The following PCDHGB4 variants were observed in gnomAD, a reference collection of about 807,000 sequenced individuals.
PCDHGB4 encodes protocadherin gamma subfamily B, 4.
In PCDHGB4, 38 loss-of-function variants were observed where a neutral mutation model predicts 60.5. The ratio of observed to expected loss-of-function variants is 0.63; its 90% confidence interval spans 0.48 to 0.82. The LOEUF (loss-of-function observed/expected upper bound fraction) is 0.82. Among genes scored for constraint, PCDHGB4 ranks in the 40% least tolerant of loss-of-function variants. The probability of loss-of-function intolerance (pLI) is 0.00; values close to 1 mark genes in which losing one functional copy is unlikely to be tolerated. For synonymous variants in PCDHGB4, 456 were observed against 509.7 expected (o/e 0.89, Z 1.42); for missense variants, 1,109 against 1,209.6 (o/e 0.92, Z 1.23).
intron 1 of PCDHGB4, among the ~76,000 whole-genome samples, chr5:141,434,463 G>A (rs967685246): frequency 5.9e-5 from 9 of 152,192 alleles, no homozygotes; most frequent in Admixed American, 1.3e-4. Flanking sequence ...TGGGTTTACC[G>A]GAATGAGGGC....
rs151037104 is a variant in PCDHGB4, at chr5:141,393,242, C to G, written c.2397+2961C>G. 3 of 1,613,778 alleles carry G rather than the reference C, an allele frequency of 1.9e-6. 1 individual carries two copies. The East Asian group carries it at 6.7e-5, about 36-fold the overall frequency. ...TCGAAGATCTAGAAGTAAAAATTAA[C>G]GAAATCGCGGTTCCTGGAGCACGTT... On this transcript the variant is annotated intron_variant, in intron 1 of 3. Coordinates refer to ENST00000519479, the MANE Select transcript of PCDHGB4 (RefSeq NM_003736.4).
At chr5:141,484,857 G>C in intron 1 of PCDHGB4, 1 of 264,370 alleles carries the variant, frequency 3.8e-6, no homozygotes. Flanking sequence ...TTTTTGGGGG[G>C]TGGGGGAGCG....
intron 1 of PCDHGB4, chr5:141,415,791 CCTAGTCTCAA>C: frequency 2.2e-6 from 3 of 1,341,938 alleles, no homozygotes; most frequent in Non-Finnish European, 1.9e-6. Flanking sequence ...GTAAAATTCA[CCTAGTCTCAA>C]TCAAGGCCTA....
chr5:141,415,657 G>C, intron 1 of PCDHGB4: 1 of 1,576,238 alleles, frequency 6.3e-7, no homozygotes, highest in Non-Finnish European at 8.6e-7. Context: ...AAAAAAGATT[G>C]GTTTTTACTT....
chr5:141,484,867 G>C lies in PCDHGB4; in HGVS notation c.2398-9940G>C, dbSNP rs573580017. The C allele has an allele frequency of 1.8e-5, 5 of 282,560 alleles. No homozygotes were observed. The Admixed American group carries it at 1.9e-4, about 11-fold the overall frequency. The allele number at this position is 282,560 out of a possible 1,614,324, so 17.5% of individuals were successfully genotyped here. A position where few individuals can be genotyped will look rare whatever the true frequency, so the allele number is the denominator to read the frequency against. ...TGGGTTTTTTGGGGGGTGGGGGAGC[G>C]TGGAGGATAGGGTGGGCTTTTTCCC... On this transcript the variant is annotated intron_variant, in intron 1 of 3. Coordinates refer to ENST00000519479, the MANE Select transcript of PCDHGB4 (RefSeq NM_003736.4).
At position 141,432,202 on chromosome 5, in the gene PCDHGB4, T is replaced by C; in HGVS notation, c.2397+41921T>C. 1 of 1,614,120 alleles carries C rather than the reference T, an allele frequency of 6.2e-7. No homozygotes were observed. The highest frequency in any genetic ancestry group is 1.1e-5 in the South Asian group (1 of 91,072). ...CTGTGACCGCCCACGACCCCGACTGTGAAGAGAACGCCCAGATCACTTATT... is the reference window on the plus strand; with the variant it reads ...CTGTGACCGCCCACGACCCCGACTGCGAAGAGAACGCCCAGATCACTTATT... On this transcript the variant is annotated intron_variant, in intron 1 of 3. Coordinates refer to ENST00000519479, the MANE Select transcript of PCDHGB4 (RefSeq NM_003736.4). The surrounding 1 kb of genome is among the most constrained non-coding windows in gnomAD (Gnocchi z 6.0).
In PCDHGB4 at chr5:141,487,522, T is replaced by C. The variant is rs764726787; in HGVS notation, c.2398-7285T>C. 2 of 1,614,166 alleles carry C rather than the reference T, an allele frequency of 1.2e-6. No individual in the cohort carries two copies. The highest frequency in any genetic ancestry group is 1.7e-6 in the Non-Finnish European group (2 of 1,180,022). ...TGGCTTCTGCACCCACTCGGAGTGATAGCTTCATGATGGTGAAGTCACCCA... is the reference window on the plus strand; with the variant it reads ...TGGCTTCTGCACCCACTCGGAGTGACAGCTTCATGATGGTGAAGTCACCCA... On this transcript the variant is annotated intron_variant, in intron 1 of 3. Coordinates refer to ENST00000519479, the MANE Select transcript of PCDHGB4 (RefSeq NM_003736.4). This position sits in a 1 kb window ranked among gnomAD's most constrained non-coding sequence, Gnocchi z 5.0.
intron 1 of PCDHGB4, chr5:141,427,328 T>G (rs951396612): frequency 1.6e-4 from 74 of 457,122 alleles, no homozygotes; most frequent in Admixed American, 1.2e-3. Context: ...TGGTTTTTAC[T>G]TCAGTGTCCA....
At chr5:141,418,295 G>A (rs751665486) in intron 1 of PCDHGB4, 1 of 1,613,996 alleles carries the variant, frequency 6.2e-7, no homozygotes, top group Admixed American at 1.7e-5. Context: ...CAGTGAATCC[G>A]TCAGCCTGGG....
intron 1 of PCDHGB4, among the ~76,000 whole-genome samples, chr5:141,437,723 G>A (rs2097904411): frequency 6.6e-6 from 1 of 150,736 alleles, no homozygotes; most frequent in South Asian, 2.1e-4. Context: ...ACCCTCTAAT[G>A]TTACACTTTG....
chr5:141,454,010 G>A (rs998092071), intron 1 of PCDHGB4, among the ~76,000 whole-genome samples: 2 of 152,146 alleles, frequency 1.3e-5, no homozygotes, highest in African/African-American at 4.8e-5. Context: ...TAACATTTTA[G>A]AAAAATGTAT....
At chr5:141,398,864 T>A (rs1399067876) in intron 1 of PCDHGB4, 1 of 1,613,768 alleles carries the variant, frequency 6.2e-7, no homozygotes, top group Non-Finnish European at 8.5e-7. Context: ...AACCGAGACG[T>A]GTACAGAGTC....
intron 1 of PCDHGB4, among the ~76,000 whole-genome samples, chr5:141,446,473 G>C (rs558209769): frequency 2.0e-4 from 29 of 148,138 alleles, no homozygotes; most frequent in Non-Finnish European, 1.5e-4. Context: ...TAGACATATG[G>C]TCATCATTCT....
chr5:141,404,718 C>G (rs747745561), intron 1 of PCDHGB4: 1 of 1,614,072 alleles, frequency 6.2e-7, no homozygotes, highest in Admixed American at 1.7e-5. Context: ...TACCTGGTGA[C>G]CAAGGTGGTG....
intron 1 of PCDHGB4, chr5:141,416,359 A>G (rs1215806118): frequency 6.6e-6 from 1 of 152,228 alleles, no homozygotes; most frequent in Non-Finnish European, 1.5e-5. Flanking sequence ...TGAGGAGGCT[A>G]TAGAGGGTGA....
chr5:141,422,959 C>T, intron 1 of PCDHGB4: 5 of 1,614,234 alleles, frequency 3.1e-6, no homozygotes, highest in African/African-American at 1.3e-5. Flanking sequence ...TGGCGTGGAG[C>T]TGGCGCCCCG....
At chr5:141,474,215 A>G (rs1393533136) in intron 1 of PCDHGB4, among the ~76,000 whole-genome samples, 1 of 152,216 alleles carries the variant, frequency 6.6e-6, no homozygotes, top group East Asian at 1.9e-4. Context: ...CAAAAACCAG[A>G]TTGTGAATTA....
intron 1 of PCDHGB4, among the ~76,000 whole-genome samples, chr5:141,468,758 C>T (rs929005462): frequency 6.6e-5 from 10 of 151,684 alleles, no homozygotes; most frequent in African/African-American, 2.2e-4. Context: ...CCCAGCTACT[C>T]GGGAGGCTGA....
chr5:141,399,055 G>C, intron 1 of PCDHGB4: 1 of 1,613,844 alleles, frequency 6.2e-7, no homozygotes, highest in Non-Finnish European at 8.5e-7. Context: ...AGAGACCAAG[G>C]AATATTCAAT....
Sources: gnomAD v4.1 joint callset for allele counts (sites outside exome capture counted in the v4.1 genomes callset) on GRCh38, gnomAD v4.1.1 for gene constraint, Gnocchi (gnomAD v3.1) non-coding constraint, MANE v1.5 for transcripts, NCBI Gene and HGNC (gene_info 2026-07-23, HGNC 2026-07-21) for gene names.